TLE1: variants seen among roughly 807,000 people sequenced by gnomAD.
TLE1 encodes transducin-like enhancer protein 1.
In TLE1, 21 loss-of-function variants were observed where a neutral mutation model predicts 89.8. The observed-to-expected ratio is 0.23, with a 90% CI of 0.17 to 0.34. The LOEUF is 0.34. Ranked by LOEUF, TLE1 falls within the 10% of genes least tolerant of loss-of-function variation. TLE1 has a pLI of 1.00. For synonymous variants in TLE1, 447 were observed against 407.6 expected (o/e 1.10, Z -1.16); for missense variants, 795 against 1,031.2 (o/e 0.77, Z 3.14).
At position 81,584,122 on chromosome 9, in the gene TLE1, T is replaced by C. The variant is rs1828008680; in HGVS notation, c.*76A>G. On this transcript the variant is annotated 3_prime_UTR_variant, in exon 20 of 20. Transcript: ENST00000376499. ...TTGTAATTTTTTTTCTCTTTTAAAG[T>C]TACAACTTTTCTATTTCTATAAATT... 5.2e-6 allele frequency: 7 copies of C among 1,356,890 alleles called. No homozygotes were observed. In the South Asian group the frequency reaches 8.4e-5, roughly 16 times the overall value. 84.1% of individuals were successfully genotyped at this position (1,356,890 alleles called of 1,614,324 possible).
At chr9:81,647,140 C>T (rs546680558) in intron 6 of TLE1, among the ~76,000 whole-genome samples, 1 of 152,160 alleles carries the variant, frequency 6.6e-6, no homozygotes, top group South Asian at 2.1e-4. Context: ...TTTCTTGCAC[C>T]CAACTGTCAG....
At position 81,587,780 on chromosome 9, in the gene TLE1, A is replaced by T. The variant is rs1232141313; in HGVS notation, c.1878T>A (p.Asn626Lys). ...CACCCGTCCAGAGCTTGGTGCCATC[A>T]TTAGAAATGTCAATACAGCTGGCTC... ...TDGASCIDISNDGTKLWTGGL... is the reference protein window; with the variant it reads ...TDGASCIDISKDGTKLWTGGL... The change falls in exon 17 of 20, where the codon AAT becomes AAA. Residue 626 changes from asparagine to lysine, a missense_variant. Physicochemically the swap from Asn to Lys is moderately conservative, Grantham distance 94. Coordinates refer to ENST00000376499, the MANE Select transcript of TLE1 (RefSeq NM_005077.5). The T allele has an allele frequency of 6.2e-7, 1 of 1,614,168 alleles. No individual in the cohort carries two copies.
At chr9:81,677,621 C>T (rs959007604) in intron 4 of TLE1, among the ~76,000 whole-genome samples, 1 of 151,244 alleles carries the variant, frequency 6.6e-6, no homozygotes, top group Non-Finnish European at 1.5e-5. Context: ...AGCTTTTCAC[C>T]AAGAGGTTGT....
At chr9:81,620,034 C>T (rs1253006891) in intron 9 of TLE1, among the ~76,000 whole-genome samples, 1 of 152,172 alleles carries the variant, frequency 6.6e-6, no homozygotes, top group Admixed American at 6.5e-5. Flanking sequence ...GGAGTGGCTA[C>T]TAAATTCACA....
chr9:81,664,039 C>A (rs868462982), intron 4 of TLE1, among the ~76,000 whole-genome samples: 2 of 152,100 alleles, frequency 1.3e-5, no homozygotes, highest in African/African-American at 4.8e-5. Flanking sequence ...GATGCATCAA[C>A]CCTAACATCA....
At position 81,685,736 on chromosome 9, in the gene TLE1, A is replaced by G; in HGVS notation, c.190-16T>C. 1 of 1,613,036 alleles carries G rather than the reference A, an allele frequency of 6.2e-7. No homozygotes were observed. The highest frequency in any genetic ancestry group is 8.5e-7 in the Non-Finnish European group (1 of 1,179,250). ...TTTCATAATACTGTAAAGAGAAAAAAGAATCAAGCATTTCATTAACTCATG... is the reference window on the plus strand; with the variant it reads ...TTTCATAATACTGTAAAGAGAAAAAGGAATCAAGCATTTCATTAACTCATG... On this transcript the variant is annotated splice_polypyrimidine_tract_variant and intron_variant, in intron 3 of 19. Coordinates refer to ENST00000376499, the MANE Select transcript of TLE1 (RefSeq NM_005077.5).
intron 14 of TLE1, among the ~76,000 whole-genome samples, chr9:81,601,934 G>A (rs1005122166): frequency 1.3e-5 from 2 of 152,108 alleles, no homozygotes; most frequent in Admixed American, 6.5e-5. Context: ...ACAAGACTTC[G>A]GGAACTTCCA....
chr9:81,610,146 G>T, intron 14 of TLE1, 74 bp downstream of exon 14: 2 of 1,343,504 alleles, frequency 1.5e-6, no homozygotes, highest in Non-Finnish European at 2.1e-6. Context: ...TACTCCCTTT[G>T]GAATTCTAGT....
At chr9:81,633,997 T>C in intron 7 of TLE1, 100 bp downstream of exon 7, 3 of 1,252,660 alleles carry the variant, frequency 2.4e-6, no homozygotes, top group Non-Finnish European at 3.2e-6. Context: ...CATTGTTTGC[T>C]CTCTGTATAG....
chr9:81,589,779 A>G (rs1316350662), intron 16 of TLE1, among the ~76,000 whole-genome samples: 1 of 152,208 alleles, frequency 6.6e-6, no homozygotes, highest in Non-Finnish European at 1.5e-5. Context: ...AAAAACAAGT[A>G]ACTTTTGCTA....
chr9:81,678,489 C>T (rs1833180862), intron 4 of TLE1, among the ~76,000 whole-genome samples: 1 of 152,148 alleles, frequency 6.6e-6, no homozygotes, highest in Admixed American at 6.6e-5. Flanking sequence ...TAGGCATGAG[C>T]CACATGCCTG....
At chr9:81,585,190 C>T (rs968883584) in intron 18 of TLE1, among the ~76,000 whole-genome samples, 12 of 152,188 alleles carry the variant, frequency 7.9e-5, no homozygotes, top group African/African-American at 2.9e-4. Context: ...ACTGCCCCTG[C>T]TCCATTCTTC....
chr9:81,587,907 C>CGCGT lies in TLE1; in HGVS notation c.1830-80_1830-79insACGC. ...CACTGTTGTGTTGTTAGTTTTGGACCGTGTGTGTGTGTGTGTGTGTGTGTG... is the reference window on the plus strand; with the variant it reads ...CACTGTTGTGTTGTTAGTTTTGGACCGCGTGTGTGTGTGTGTGTGTGTGTGTGTG... On this transcript the variant is annotated intron_variant, in intron 16 of 19. Transcript: ENST00000376499. 3 of 752,286 alleles carry CGCGT rather than the reference C, an allele frequency of 4.0e-6. No individual in the cohort carries two copies. In the South Asian group the frequency reaches 7.0e-5, roughly 18 times the overall value. 46.6% of individuals were successfully genotyped at this position (752,286 alleles called of 1,614,324 possible). A position where few individuals can be genotyped will look rare whatever the true frequency, so the allele number is the denominator to read the frequency against.
At chr9:81,670,920 G>A (rs1213102098) in intron 4 of TLE1, among the ~76,000 whole-genome samples, 1 of 152,072 alleles carries the variant, frequency 6.6e-6, no homozygotes, top group Non-Finnish European at 1.5e-5. Flanking sequence ...GTTAATCCCA[G>A]CACTTTGGGA....
At chr9:81,652,782 AAAAT>A (rs1381460985) in intron 5 of TLE1, among the ~76,000 whole-genome samples, 19 of 152,194 alleles carry the variant, frequency 1.2e-4, no homozygotes, top group Admixed American at 3.9e-4. Flanking sequence ...CTCTATTTTT[AAAAT>A]AAATAAATAA....
At chr9:81,587,907 C>CGTGTGTGTGTGTGTGTGTGT in intron 16 of TLE1, 79 bp from the exon 17 acceptor site, 1 of 752,284 alleles carries the variant, frequency 1.3e-6, no homozygotes, top group South Asian at 2.3e-5. Context: ...AGTTTTGGAC[C>CGTGTGTGTGTGTGTGTGTGT]GTGTGTGTGT....
At chr9:81,604,136 T>C (rs148204707) in intron 14 of TLE1, among the ~76,000 whole-genome samples, 261 of 152,354 alleles carry the variant, frequency 1.7e-3, no homozygotes, top group South Asian at 5.2e-3. Flanking sequence ...ATTTCTCCTG[T>C]TAATCTATCT....
intron 6 of TLE1, among the ~76,000 whole-genome samples, chr9:81,648,116 A>G (rs1264172220): frequency 1.3e-5 from 2 of 151,966 alleles, no homozygotes; most frequent in East Asian, 3.9e-4. Context: ...TACTAAAAAT[A>G]CAAAAATTAG....
At chr9:81,615,627 C>T (rs1375440526) in intron 11 of TLE1, among the ~76,000 whole-genome samples, 8 of 148,756 alleles carry the variant, frequency 5.4e-5, no homozygotes, top group Non-Finnish European at 1.2e-4. Flanking sequence ...GCAGGAGAAT[C>T]GCTTGAACCC....
Sources: gnomAD v4.1 joint callset for allele counts (sites outside exome capture counted in the v4.1 genomes callset) on GRCh38, gnomAD v4.1.1 for gene constraint, MANE v1.5 for transcripts, NCBI Gene and HGNC (gene_info 2026-07-23, HGNC 2026-07-21) for gene names.